Variants in MSLN observed in about 807,000 individuals in gnomAD.
MSLN encodes CAK1 antigen.
MSLN carries 82 observed loss-of-function variants against 72.6 expected under a neutral mutation model. The ratio of observed to expected loss-of-function variants is 1.13; its 90% CI spans 0.94 to 1.36. The LOEUF (loss-of-function observed/expected upper bound fraction) is 1.36, where lower values mean the gene tolerates loss of function less well. MSLN is among the 40% of genes most tolerant of loss of function. The pLI is 0.00. For missense variants in MSLN, 1,005 were observed against 847.9 expected (o/e 1.19, Z -2.30); for synonymous variants, 456 against 387.3 (o/e 1.18, Z -2.08).
chr16:767,370 G>C lies in MSLN; in HGVS notation c.1502-6G>C. ...CCTCAGCTCGGGCCCCTCTCCCGGCGGGCAGGTGGGGCCCCCACGGAGGAT... is the reference window on the plus strand; with the variant it reads ...CCTCAGCTCGGGCCCCTCTCCCGGCCGGCAGGTGGGGCCCCCACGGAGGAT... On this transcript the variant is annotated splice_polypyrimidine_tract_variant and splice_region_variant and intron_variant, in intron 15 of 17. Transcript: ENST00000545450. 1 of 1,610,828 alleles carries C rather than the reference G, an allele frequency of 6.2e-7. No homozygotes were observed. Among genetic ancestry groups the C allele is most frequent in the Non-Finnish European group, 8.5e-7 (1 of 1,179,140 alleles).
In MSLN at chr16:765,565, T is replaced by C. The variant is rs77260498; in HGVS notation, c.743T>C (p.Leu248Pro). Residue 248 changes from leucine (L) to proline (P), a missense_variant, in exon 10 of 18, where the codon CTG (leucine) becomes CCG (proline). Coordinates refer to ENST00000545450, the MANE Select transcript of MSLN (RefSeq NM_005823.6). The part of the protein sequence containing the change: ...STWSVSTMDA[L>P]RGLLPVLGQP... ...TGGTCTGTCTCCACGATGGACGCTC[T>C]GCGGGGCCTGCTGCCCGTGCTGGGC... 0.012 allele frequency: 19,195 copies of C among 1,606,580 alleles called. 957 individuals carry two copies. The highest frequency in any genetic ancestry group is 0.12 in the South Asian group (10,669 of 90,906).
rs761117629 is a variant in MSLN at position 765,294 on chromosome 16, C to A, written c.695C>A (p.Pro232His). The A allele has an allele frequency of 3.8e-6, 6 of 1,575,842 alleles. No homozygotes were observed. The East Asian group carries it at 9.1e-5, about 24-fold the overall frequency. Residue 232 changes from proline to histidine, a missense_variant, in exon 9 of 18, where the codon CCC becomes CAC. Physicochemically the swap from Pro to His is moderately conservative, Grantham distance 77. Transcript: ENST00000545450. The stretch of plus-strand genomic sequence containing the variant: ...AGGGCGGCTCTGCAGGGCGGGGGAC[C>A]CCCCTACGGGTAAGTGAAGGTGTCT... ...AARAALQGGG[P>H]PYGPPSTWSV...
At chr16:761,949 G>T (rs893370857) in intron 2 of MSLN, among the ~76,000 whole-genome samples, 1 of 152,184 alleles carries the variant, frequency 6.6e-6, no homozygotes. Context: ...TCTTCTGCGA[G>T]CCCCACCCCT....
At position 764,077 on chromosome 16, in the gene MSLN, C is replaced by T. The variant is rs1018031748; in HGVS notation, c.234C>T (p.Ser78=). 7.5e-6 allele frequency: 12 copies of T among 1,606,214 alleles called. No individual in the cohort carries two copies. The highest frequency in any genetic ancestry group is 6.7e-5 in the Admixed American group (4 of 59,978). The change falls in exon 6 of 18, where the codon AGC becomes AGT. Residue 78 remains serine, a synonymous_variant. Coordinates refer to ENST00000545450, the MANE Select transcript of MSLN (RefSeq NM_005823.6). ...GFPCAEVSGL[S]TERVRELAVA... ...CGTGTGCGGAGGTGTCCGGCCTGAG[C>T]ACGGAGCGTGTCCGGGAGCTGGCTG...
intron 9 of MSLN, 45 bp from the exon 10 acceptor site, chr16:765,482 G>T (rs2041594458): frequency 3.9e-6 from 6 of 1,552,580 alleles, no homozygotes; most frequent in Middle Eastern, 1.7e-4. Context: ...CCCTCTCTGG[G>T]GCTGCACGTG....
chr16:767,495 T>TGTGGAGGAGGGGCCC (rs759328608), intron 16 of MSLN, 25 bp downstream of exon 16: 4 of 1,173,702 alleles, frequency 3.4e-6, no homozygotes, highest in Non-Finnish European at 4.4e-6. Flanking sequence ...AGGAGGGGCG[T>TGTGGAGGAGGGGCCC]GTGGAGGAGG....
At position 767,482 on chromosome 16, in the gene MSLN, GGGAGGAGGGGCGTGT is replaced by G. The variant is rs1567359654; in HGVS notation, c.1596+24_1596+38del. The G allele has an allele frequency of 2.0e-5, 31 of 1,570,870 alleles. No individual in the cohort carries two copies. Among genetic ancestry groups the G allele is most frequent in the South Asian group, 6.7e-5 (6 of 89,122 alleles). ...CGGATGCGGTGCTGGTATGGCGAGC[GGGAGGAGGGGCGTGT>G]GGAGGAGGGGCCCGTGGAGGAGGGG... On this transcript the variant is annotated intron_variant, in intron 16 of 17. Coordinates refer to ENST00000545450, the MANE Select transcript of MSLN (RefSeq NM_005823.6).
At position 768,517 on chromosome 16, in the gene MSLN, C is replaced by T. The variant is rs2041672741; in HGVS notation, c.1735C>T (p.Gln579Ter). ...CCTGGACACGCTGGGGCTGGGGCTACAGGGCGGCATCCCCAACGGCTACCT... is the reference window on the plus strand; with the variant it reads ...CCTGGACACGCTGGGGCTGGGGCTATAGGGCGGCATCCCCAACGGCTACCT... ...DDLDTLGLGL[Q>*]GGIPNGYLVL... The change falls in exon 17 of 18, where the codon CAG becomes TAG. Residue 579 changes from glutamine to a stop codon, truncating the protein, a stop_gained. Transcript: ENST00000545450. LOFTEE classifies it low-confidence loss of function (END_TRUNC). 2 of 1,597,752 alleles carry T rather than the reference C, an allele frequency of 1.3e-6. No homozygotes were observed. Among genetic ancestry groups the T allele is most frequent in the African/African-American group, 1.3e-5 (1 of 74,598 alleles).
chr16:764,136 C>CTG lies in MSLN; in HGVS notation c.293_294insTG (p.Gln100SerfsTer79). 1 of 1,603,770 alleles carries CTG rather than the reference C, an allele frequency of 6.2e-7. No homozygotes were observed. Among genetic ancestry groups the CTG allele is most frequent in the Admixed American group, 1.7e-5 (1 of 59,982 alleles). ...GCACAGAAGAATGTCAAGCTCTCAA[C>CTG]AGAGCAGGTCAGTCTCAGTTGGGCT... On this transcript the variant is annotated frameshift_variant, in exon 6 of 18. Transcript: ENST00000545450. LOFTEE classifies it high-confidence loss of function.
At chr16:763,897 G>T in intron 5 of MSLN, 126 bp from the exon 6 acceptor site, 3 of 1,290,056 alleles carry the variant, frequency 2.3e-6, no homozygotes, top group Non-Finnish European at 3.1e-6. Context: ...ACCTGGTCTT[G>T]GGGGGAGGTC....
chr16:761,983 C>T (rs1415989846), intron 2 of MSLN, among the ~76,000 whole-genome samples: 1 of 152,222 alleles, frequency 6.6e-6, no homozygotes, highest in Non-Finnish European at 1.5e-5. Context: ...AATTCTTGTT[C>T]AGGGAGGGTC....
At position 763,636 on chromosome 16, in the gene MSLN, C is replaced by A. The variant is rs757238441; in HGVS notation, c.130-6C>A. The A allele has an allele frequency of 1.3e-6, 2 of 1,599,474 alleles. No individual in the cohort carries two copies. Among genetic ancestry groups the A allele is most frequent in the African/African-American group, 1.3e-5 (1 of 74,530 alleles). Reference sequence around the variant, plus strand: ...GAGCCATGTTCAGCAGGCCCTGTGTCCCCAGGAGGCTGCGCCCCTGGACGG... The same window carrying A: ...GAGCCATGTTCAGCAGGCCCTGTGTACCCAGGAGGCTGCGCCCCTGGACGG... On this transcript the variant is annotated splice_polypyrimidine_tract_variant and splice_region_variant and intron_variant, in intron 4 of 17. Coordinates refer to ENST00000545450, the MANE Select transcript of MSLN (RefSeq NM_005823.6).
rs2041677624 is a variant in MSLN, at chr16:768,700, C to T, written c.1836C>T (p.Val612=). The T allele has an allele frequency of 1.9e-6, 3 of 1,611,084 alleles. No individual in the cohort carries two copies. The highest frequency in any genetic ancestry group is 2.5e-6 in the Non-Finnish European group (3 of 1,179,544). The change falls in exon 18 of 18, where the codon GTC becomes GTT. Residue 612 remains valine, a synonymous_variant. Coordinates refer to ENST00000545450, the MANE Select transcript of MSLN (RefSeq NM_005823.6). ...CLLGPGPVLT[V]LALLLASTLA ...TAGGACCTGGACCTGTTCTCACCGT[C>T]CTGGCACTGCTCCTAGCCTCCACCC...
Position 765,542 on chromosome 16 carries a change from G to C in MSLN, c.720G>C (p.Trp240Cys). ...GGPPYGPPST[W>C]SVSTMDALRG... ...GTCTGCACAGCCCCCCGTCGACATG[G>C]TCTGTCTCCACGATGGACGCTCTGC... Residue 240 changes from tryptophan (W) to cysteine (C), a missense_variant, in exon 10 of 18, where the codon TGG (tryptophan) becomes TGC (cysteine). Coordinates refer to ENST00000545450, the MANE Select transcript of MSLN (RefSeq NM_005823.6). 6.2e-7 allele frequency: 1 copy of C among 1,606,798 alleles called. No homozygotes were observed. The highest frequency in any genetic ancestry group is 1.1e-5 in the South Asian group (1 of 90,944).
Position 765,775 on chromosome 16 carries a change from C to T in MSLN, c.880C>T (p.Arg294Trp), listed in dbSNP as rs141280598. ...PERTILRPRF[R>W]REVEKTACPS... Reference sequence around the variant, plus strand: ...ACGGACCATCCTCCGGCCGCGGTTCCGGCGGGAAGTGGAGAGTGAGTGCCG... The same window carrying T: ...ACGGACCATCCTCCGGCCGCGGTTCTGGCGGGAAGTGGAGAGTGAGTGCCG... Residue 294 changes from arginine (R) to tryptophan (W), a missense_variant, in exon 11 of 18, where the codon CGG becomes TGG. By Grantham distance (101) the Arg-to-Trp change is moderately radical (BLOSUM62 -3). Transcript: ENST00000545450. 6.8e-4 allele frequency: 1,088 copies of T among 1,599,330 alleles called. 1 individual carries two copies. The highest frequency in any genetic ancestry group is 2.1e-3 in the Admixed American group (127 of 59,958).
At chr16:761,322 A>G (rs1050306781) in intron 2 of MSLN, 148 bp downstream of exon 2, 2 of 152,320 alleles carry the variant, frequency 1.3e-5, no homozygotes, top group Middle Eastern at 3.1e-3. Context: ...CCCGCAGGGC[A>G]CACGCAGACC....
In MSLN at chr16:765,757, A is replaced by T; in HGVS notation, c.862A>T (p.Ile288Phe). 1 of 1,600,410 alleles carries T rather than the reference A, an allele frequency of 6.2e-7. No homozygotes were observed. Among genetic ancestry groups the T allele is most frequent in the Non-Finnish European group, 8.5e-7 (1 of 1,179,680 alleles). The change falls in exon 11 of 18, where the codon ATC becomes TTC. Residue 288 changes from isoleucine to phenylalanine, a missense_variant. By Grantham distance (21) the Ile-to-Phe change is conservative (BLOSUM62 0). Coordinates refer to ENST00000545450, the MANE Select transcript of MSLN (RefSeq NM_005823.6). ...DPSWRQPERT[I>F]LRPRFRREVE... is the part of the protein sequence containing the mutation. ...ATCCTGGCGGCAGCCTGAACGGACC[A>T]TCCTCCGGCCGCGGTTCCGGCGGGA... is the stretch of plus-strand genomic sequence containing the variant.
intron 3 of MSLN, 85 bp from the exon 4 acceptor site, chr16:763,148 C>T: frequency 1.1e-6 from 1 of 901,178 alleles, no homozygotes; most frequent in East Asian, 2.7e-5. Flanking sequence ...TGGGGGCGGC[C>T]AGGCTCTGCC....
intron 7 of MSLN, 66 bp downstream of exon 7, chr16:764,792 G>C: frequency 6.4e-7 from 1 of 1,571,022 alleles, no homozygotes; most frequent in Non-Finnish European, 8.7e-7. Context: ...CCAACCCCCT[G>C]CCCCTTGCCT....
Sources: gnomAD v4.1 joint callset for allele counts (sites outside exome capture counted in the v4.1 genomes callset) on GRCh38, gnomAD v4.1.1 for gene constraint, MANE v1.5 for transcripts, NCBI Gene and HGNC (gene_info 2026-07-23, HGNC 2026-07-21) for gene names.